Variants in CDC5L observed in about 807,000 individuals in gnomAD.
CDC5L encodes the protein cell division cycle 5-like protein.
In CDC5L, 18 loss-of-function variants were observed where a neutral mutation model predicts 104.1. The ratio of observed to expected loss-of-function variants is 0.17; its 90% CI spans 0.12 to 0.26. The LOEUF is 0.26. Among genes scored for constraint, CDC5L ranks in the 10% least tolerant of loss-of-function variants. The pLI is 1.00. For missense variants in CDC5L, 673 were observed against 956.9 expected, an observed-to-expected ratio of 0.70 and a Z score of 3.91; for synonymous variants, 331 against 322.7, an observed-to-expected ratio of 1.03 and a Z score of -0.28.
At chr6:44,408,392 G>T in intron 7 of CDC5L, 52 bp from the exon 8 acceptor site, 1 of 1,434,266 alleles carries the variant, frequency 7.0e-7, no homozygotes, top group Non-Finnish European at 9.7e-7. Context: ...GTGAGCCACT[G>T]TGCCCGGCCT....
Position 44,449,220 on chromosome 6 carries a change from A to T in CDC5L, c.*2509A>T, listed in dbSNP as rs1793562283. On this transcript the variant is annotated 3_prime_UTR_variant, in exon 16 of 16. Transcript: ENST00000371477. ...GGAATTACAAAATTTCAAAACTGGC[A>T]CATTGTAAACTGCATATGCATTTGC... The T allele has an allele frequency of 6.6e-6, 1 of 152,264 alleles. No individual in the cohort carries two copies. Among genetic ancestry groups the T allele is most frequent in the African/African-American group, 2.4e-5 (1 of 41,458 alleles). 9.4% of individuals were successfully genotyped at this position (152,264 alleles called of 1,614,324 possible).
rs769056401 is a variant in CDC5L, at chr6:44,422,677, T to G, written c.1272T>G (p.Thr424=). The G allele has an allele frequency of 5.0e-6, 8 of 1,611,442 alleles. No individual in the cohort carries two copies. In the Admixed American group the frequency reaches 1.3e-4, roughly 27 times the overall value. The change falls in exon 10 of 16, where the codon ACT becomes ACG. Residue 424 remains threonine, a synonymous_variant. Transcript: ENST00000371477. ...RTPSNGAEGL[T]PRSGTTPKPV... ...CTTCTAATGGAGCTGAAGGGCTGAC[T>G]CCCCGGAGTGGAACAACTCCCAAAC... is the stretch of plus-strand genomic sequence containing the variant.
At chr6:44,433,229 G>T (rs1414233855) in intron 14 of CDC5L, among the ~76,000 whole-genome samples, 1 of 152,152 alleles carries the variant, frequency 6.6e-6, no homozygotes, top group Non-Finnish European at 1.5e-5. Context: ...TAACAGCAAG[G>T]AACAAGGCAG....
In CDC5L at chr6:44,443,304, C is replaced by T. The variant is rs187548824; in HGVS notation, c.2092-2351C>T. Among the ~76,000 whole-genome samples, 38 of 151,422 alleles carry T rather than the reference C, an allele frequency of 2.5e-4. No individual in the cohort carries two copies. The East Asian group carries it at 5.8e-3, about 23-fold the overall frequency. ...TCAATACTCTGCCATTAGTTTTTGA[C>T]ATTTTAATTGTGATGTGTCTTGGTG... is the stretch of plus-strand genomic sequence containing the variant. On this transcript the variant is annotated intron_variant, in intron 14 of 15. Transcript: ENST00000371477.
At chr6:44,413,642 G>C (rs1401739871) in intron 8 of CDC5L, among the ~76,000 whole-genome samples, 2 of 152,082 alleles carry the variant, frequency 1.3e-5, no homozygotes, top group Non-Finnish European at 2.9e-5. Flanking sequence ...GGAGTGCAGT[G>C]GTGCAGTCAT....
intron 8 of CDC5L, among the ~76,000 whole-genome samples, chr6:44,418,223 C>A (rs1581652905): frequency 6.6e-6 from 1 of 152,090 alleles, no homozygotes; most frequent in Non-Finnish European, 1.5e-5. Flanking sequence ...TCAGTTCCCA[C>A]CTATGAGTGA....
chr6:44,400,176 C>G (rs569694345), intron 5 of CDC5L, among the ~76,000 whole-genome samples: 26 of 152,220 alleles, frequency 1.7e-4, no homozygotes, highest in African/African-American at 6.3e-4. Flanking sequence ...TGGCTACTTT[C>G]AAGTTTGTTA....
intron 9 of CDC5L, among the ~76,000 whole-genome samples, chr6:44,421,366 T>C (rs948195207): frequency 1.3e-5 from 2 of 152,252 alleles, no homozygotes; most frequent in Admixed American, 1.3e-4. Context: ...AAAATGGAAT[T>C]GGAACTTACA....
At position 44,389,650 on chromosome 6, in the gene CDC5L, G is replaced by A. The variant is rs568210072; in HGVS notation, c.46-618G>A. Reference sequence around the variant, plus strand: ...TGGGGTAGAAATATGTAATTCTTAGGTTAGACCTGAGATGTGGATTCTTGG... The same window carrying A: ...TGGGGTAGAAATATGTAATTCTTAGATTAGACCTGAGATGTGGATTCTTGG... On this transcript the variant is annotated intron_variant, in intron 1 of 15. Transcript: ENST00000371477. 3.3e-5 allele frequency among the ~76,000 whole-genome samples: 5 copies of A among 152,098 alleles called. No individual in the cohort carries two copies. In the East Asian group the frequency reaches 7.7e-4, roughly 24 times the overall value.
intron 13 of CDC5L, among the ~76,000 whole-genome samples, chr6:44,427,336 A>T (rs907718141): frequency 1.4e-4 from 22 of 152,198 alleles, no homozygotes; most frequent in African/African-American, 5.3e-4. Context: ...ATAATTGTAT[A>T]AGAAGATACA....
chr6:44,395,918 TTAAA>T (rs1790849014), intron 4 of CDC5L, among the ~76,000 whole-genome samples: 1 of 152,250 alleles, frequency 6.6e-6, no homozygotes, highest in Admixed American at 6.5e-5. Context: ...TCTCTCATAA[TTAAA>T]TAGTTTTTAC....
In CDC5L at chr6:44,406,792, A is replaced by G. The variant is rs578039390; in HGVS notation, c.903+325A>G. On this transcript the variant is annotated intron_variant, in intron 7 of 15. Coordinates refer to ENST00000371477, the MANE Select transcript of CDC5L (RefSeq NM_001253.4). ...AGGCGGGATGGTGGCACACACCTGT[A>G]ATCGCAGCTACTTGGGAGGCTGAGG... Among the ~76,000 whole-genome samples the G allele has an allele frequency of 3.5e-4, 53 of 152,290 alleles. 1 individual carries two copies. In the East Asian group the frequency reaches 7.7e-3, roughly 22 times the overall value.
At chr6:44,419,372 G>T (rs1792056850) in intron 8 of CDC5L, 77 bp from the exon 9 acceptor site, 2 of 1,346,344 alleles carry the variant, frequency 1.5e-6, no homozygotes, top group Non-Finnish European at 2.1e-6. Context: ...CTTCAAGATT[G>T]GTATAGTAGG....
intron 14 of CDC5L, among the ~76,000 whole-genome samples, chr6:44,439,766 C>A (rs1793096198): frequency 6.6e-6 from 1 of 152,220 alleles, no homozygotes; most frequent in Non-Finnish European, 1.5e-5. Flanking sequence ...AGGCACTGGA[C>A]AGCTGAGGCT....
In CDC5L at chr6:44,447,626, G is replaced by C. The variant is rs1460472579; in HGVS notation, c.*915G>C. 2 of 152,136 alleles carry C rather than the reference G, an allele frequency of 1.3e-5. No individual in the cohort carries two copies. The highest frequency in any genetic ancestry group is 4.8e-5 in the African/African-American group (2 of 41,432). The allele number at this position is 152,136 out of a possible 1,614,324, so 9.4% of individuals were successfully genotyped here. A position where few individuals can be genotyped will look rare whatever the true frequency, so the allele number is the denominator to read the frequency against. ...ACGTTTGCCCAGTCTTAGAATACTA[G>C]GGACTATAGGAAGGGAAGGGATTCA... On this transcript the variant is annotated 3_prime_UTR_variant, in exon 16 of 16. Coordinates refer to ENST00000371477, the MANE Select transcript of CDC5L (RefSeq NM_001253.4).
chr6:44,398,336 G>T (rs1189245345), intron 5 of CDC5L, among the ~76,000 whole-genome samples: 1 of 152,120 alleles, frequency 6.6e-6, no homozygotes, highest in Non-Finnish European at 1.5e-5. Flanking sequence ...CAAATTTTTA[G>T]AGCCCTTTAA....
intron 8 of CDC5L, among the ~76,000 whole-genome samples, chr6:44,411,635 A>AGTGTGTGTGTGTGTGTGTGTGTGTGTGT (rs372072520): frequency 1.6e-5 from 2 of 121,394 alleles, no homozygotes; most frequent in Non-Finnish European, 3.3e-5. Flanking sequence ...AGAGAGAGAG[A>AGTGTGTGTGTGTGTGTGTGTGTGTGTGT]GAGTGTGTGT....
At chr6:44,391,902 C>T (rs1790640235) in intron 2 of CDC5L, among the ~76,000 whole-genome samples, 3 of 152,028 alleles carry the variant, frequency 2.0e-5, no homozygotes, top group Admixed American at 6.6e-5. Flanking sequence ...GTGGGAGGAT[C>T]GGTTGAACCC....
intron 14 of CDC5L, among the ~76,000 whole-genome samples, chr6:44,435,170 C>T (rs16871898): frequency 0.019 from 2,620 of 135,430 alleles, 33 homozygotes; most frequent in Middle Eastern, 0.045. Context: ...GGATCATATT[C>T]TACATTTTTC....
Sources: gnomAD v4.1 joint callset for allele counts (sites outside exome capture counted in the v4.1 genomes callset) on GRCh38, gnomAD v4.1.1 for gene constraint, MANE v1.5 for transcripts, NCBI Gene and HGNC (gene_info 2026-07-23, HGNC 2026-07-21) for gene names.